Variants in COL19A1 observed in about 807,000 individuals in gnomAD.
COL19A1 encodes the protein collagen type XIX alpha 1 chain.
COL19A1 carries 159 observed loss-of-function variants against 190.2 expected under a neutral mutation model. The observed-to-expected ratio is 0.84, with a 90% confidence interval of 0.73 to 0.95. The LOEUF (loss-of-function observed/expected upper bound fraction) is 0.95. Ranked by LOEUF, COL19A1 falls within the 40% of genes least tolerant of loss-of-function variation. The probability of loss-of-function intolerance (pLI) is 0.00; values close to 1 mark genes in which losing one functional copy is unlikely to be tolerated. For missense variants in COL19A1, 1,418 were observed against 1,431.9 expected (o/e 0.99, Z 0.16); for synonymous variants, 509 against 458.9 (o/e 1.11, Z -1.39).
At chr6:70,154,489 G>A (rs922489647) in intron 31 of COL19A1, among the ~76,000 whole-genome samples, 2 of 152,134 alleles carry the variant, frequency 1.3e-5, no homozygotes, top group Admixed American at 1.3e-4. Flanking sequence ...TGGGATTGCT[G>A]TAACCCAGCA....
In COL19A1 at chr6:70,146,723, A is replaced by G. The variant is rs1433014272; in HGVS notation, c.1815+20A>G. Reference sequence around the variant, plus strand: ...CCAAAGGTATACAAATATTATAGTTAATTTTTAAGGAATGAATAATTAACA... The same window carrying G: ...CCAAAGGTATACAAATATTATAGTTGATTTTTAAGGAATGAATAATTAACA... On this transcript the variant is annotated intron_variant, in intron 26 of 50. Transcript: ENST00000620364. The G allele has an allele frequency of 1.2e-6, 2 of 1,603,188 alleles. No individual in the cohort carries two copies. Among genetic ancestry groups the G allele is most frequent in the Non-Finnish European group, 1.7e-6 (2 of 1,175,870 alleles).
chr6:69,888,519 AAG>A (rs1006072130), intron 2 of COL19A1, among the ~76,000 whole-genome samples: 2 of 152,080 alleles, frequency 1.3e-5, no homozygotes, highest in African/African-American at 4.8e-5. Flanking sequence ...GAAAAAAAAA[AAG>A]AGAGAGCACC....
Position 70,156,724 on chromosome 6 carries a change from G to C in COL19A1, c.2292+1G>C. 2 of 1,607,802 alleles carry C rather than the reference G, an allele frequency of 1.2e-6. No homozygotes were observed. Among genetic ancestry groups the C allele is most frequent in the East Asian group, 4.5e-5 (2 of 44,682 alleles). On this transcript the variant is annotated splice_donor_variant, in intron 34 of 50. Coordinates refer to ENST00000620364, the MANE Select transcript of COL19A1 (RefSeq NM_001858.6). LOFTEE classifies it high-confidence loss of function. ...GATACCTGGGGAGAAAGGCGATGAG[G>C]TAACAGATTCTTTTCTGATTATATA...
intron 11 of COL19A1, among the ~76,000 whole-genome samples, chr6:69,971,309 A>G (rs780624160): frequency 6.6e-6 from 1 of 152,204 alleles, no homozygotes; most frequent in Non-Finnish European, 1.5e-5. Flanking sequence ...ACATCTGTTA[A>G]ATGTGTTTTC....
intron 10 of COL19A1, among the ~76,000 whole-genome samples, chr6:69,960,621 C>A (rs1233202282): frequency 6.8e-6 from 1 of 147,078 alleles, no homozygotes; most frequent in Admixed American, 6.8e-5. Flanking sequence ...TTTGTGCCCC[C>A]ACTTTTTTTT....
chr6:69,935,557 G>A (rs189766306), intron 7 of COL19A1, among the ~76,000 whole-genome samples: 9 of 152,120 alleles, frequency 5.9e-5, no homozygotes, highest in Admixed American at 5.3e-4. Context: ...TCAAATTTGG[G>A]AACTTGTTAG....
intron 14 of COL19A1, 141 bp downstream of exon 14, chr6:70,036,080 C>A: frequency 1.3e-6 from 1 of 741,728 alleles, no homozygotes; most frequent in Non-Finnish European, 2.3e-6. Flanking sequence ...CAAACCTCCA[C>A]ATTTTAAAGA....
chr6:69,934,861 A>G (rs1773000270), intron 7 of COL19A1, among the ~76,000 whole-genome samples: 1 of 152,022 alleles, frequency 6.6e-6, no homozygotes. Flanking sequence ...AAAGCCATTT[A>G]AATGCATCTG....
chr6:70,211,788 G>T lies in COL19A1; in HGVS notation c.*4514G>T, dbSNP rs1768222230. Among the ~76,000 whole-genome samples the T allele has an allele frequency of 6.6e-6, 1 of 151,812 alleles. No homozygotes were observed. On this transcript the variant is annotated 3_prime_UTR_variant, in exon 51 of 51. Transcript: ENST00000620364. The stretch of plus-strand genomic sequence containing the variant: ...AGTAACTGATCAATTTGGTTAAATT[G>T]AATGAAGAACCAAGTGAACACAGAG...
At chr6:70,154,438 T>C (rs1314372576) in intron 31 of COL19A1, among the ~76,000 whole-genome samples, 1 of 152,160 alleles carries the variant, frequency 6.6e-6, no homozygotes, top group Non-Finnish European at 1.5e-5. Flanking sequence ...TGTGTCTTTA[T>C]AGTAGAATGA....
chr6:69,985,976 A>G (rs1776288770), intron 11 of COL19A1, among the ~76,000 whole-genome samples: 1 of 152,014 alleles, frequency 6.6e-6, no homozygotes, highest in African/African-American at 2.4e-5. Context: ...TAAAACATAT[A>G]TTCTTCATGT....
intron 16 of COL19A1, among the ~76,000 whole-genome samples, chr6:70,106,647 T>A (rs1233239212): frequency 6.6e-6 from 1 of 152,214 alleles, no homozygotes; most frequent in Non-Finnish European, 1.5e-5. Context: ...GTGACTAACC[T>A]GGTTAACAGA....
intron 2 of COL19A1, among the ~76,000 whole-genome samples, chr6:69,897,866 G>GT (rs1769897109): frequency 2.6e-5 from 4 of 151,992 alleles, no homozygotes; most frequent in Non-Finnish European, 5.9e-5. Context: ...TGTTCAAAAT[G>GT]TTTTTTGCAG....
In COL19A1 at chr6:70,142,096, G is replaced by T. The variant is rs1288618419; in HGVS notation, c.1572+20G>T. ...CTAAAGGTATATAAGAAATAACTAA[G>T]ATTTCTTGGGAAATAATTTGGGAAT... On this transcript the variant is annotated intron_variant, in intron 22 of 50. Coordinates refer to ENST00000620364, the MANE Select transcript of COL19A1 (RefSeq NM_001858.6). 21 of 1,599,432 alleles carry T rather than the reference G, an allele frequency of 1.3e-5. No individual in the cohort carries two copies. The highest frequency in any genetic ancestry group is 1.7e-5 in the Non-Finnish European group (20 of 1,170,122).
intron 15 of COL19A1, among the ~76,000 whole-genome samples, chr6:70,092,535 A>G (rs1188376323): frequency 1.3e-5 from 2 of 152,150 alleles, no homozygotes; most frequent in African/African-American, 4.8e-5. Flanking sequence ...ATCAGCACTT[A>G]AGTATCAAAA....
At chr6:69,894,034 C>A (rs1307181446) in intron 2 of COL19A1, among the ~76,000 whole-genome samples, 1 of 150,586 alleles carries the variant, frequency 6.6e-6, no homozygotes, top group Non-Finnish European at 1.5e-5. Flanking sequence ...TGATTGATGT[C>A]TCATGCCTCT....
intron 16 of COL19A1, among the ~76,000 whole-genome samples, chr6:70,113,117 A>G (rs1480432251): frequency 2.0e-5 from 3 of 152,204 alleles, no homozygotes; most frequent in African/African-American, 4.8e-5. Context: ...CTTTCAAGGT[A>G]TGGTGCCAGT....
At chr6:69,987,147 G>T (rs1776358680) in intron 11 of COL19A1, among the ~76,000 whole-genome samples, 1 of 152,066 alleles carries the variant, frequency 6.6e-6, no homozygotes, top group African/African-American at 2.4e-5. Context: ...TCCACTCAAG[G>T]CCTATGGATA....
intron 44 of COL19A1, among the ~76,000 whole-genome samples, chr6:70,184,199 T>G (rs1411382193): frequency 6.6e-6 from 1 of 152,178 alleles, no homozygotes; most frequent in Non-Finnish European, 1.5e-5. Context: ...GCTCTGGCCA[T>G]GTTATGAAAT....
Sources: gnomAD v4.1 joint callset for allele counts (sites outside exome capture counted in the v4.1 genomes callset) on GRCh38, gnomAD v4.1.1 for gene constraint, MANE v1.5 for transcripts, NCBI Gene and HGNC (gene_info 2026-07-23, HGNC 2026-07-21) for gene names.